The following NRXN3 variants were observed in gnomAD, a reference collection of about 807,000 sequenced individuals.
NRXN3 encodes the protein neurexin 3, also known as neurexin III.
NRXN3 carries 32 observed loss-of-function variants against 137.6 expected under a neutral mutation model. The observed-to-expected ratio is 0.23, with a 90% CI of 0.18 to 0.31. The LOEUF (loss-of-function observed/expected upper bound fraction) is 0.31. NRXN3 is among the 10% of genes least tolerant of loss of function. The probability of loss-of-function intolerance (pLI) is 1.00; values close to 1 mark genes in which losing one functional copy is unlikely to be tolerated. For synonymous variants in NRXN3, 798 were observed against 784.5 expected (o/e 1.02, Z -0.29); for missense variants, 1,574 against 2,062.5 (o/e 0.76, Z 4.59).
chr14:78,539,537 T>C (rs1468873541), intron 4 of NRXN3, among the ~76,000 whole-genome samples: 1 of 152,182 alleles, frequency 6.6e-6, no homozygotes, highest in Non-Finnish European at 1.5e-5. Flanking sequence ...TCTATCAATT[T>C]TGTTGATCTT....
intron 15 of NRXN3, among the ~76,000 whole-genome samples, chr14:79,044,604 A>G (rs763361724): frequency 6.6e-6 from 1 of 152,136 alleles, no homozygotes; most frequent in Non-Finnish European, 1.5e-5. Context: ...TACTTTTGAA[A>G]ACATAGTTGA....
chr14:79,149,230 GTCAGA>G (rs2059577641), intron 15 of NRXN3, among the ~76,000 whole-genome samples: 1 of 151,968 alleles, frequency 6.6e-6, no homozygotes, highest in Non-Finnish European at 1.5e-5. Flanking sequence ...AAGTCCAAAG[GTCAGA>G]TCTTCACGTT....
At chr14:78,943,621 A>AAATATATATAT (rs1567777841) in intron 10 of NRXN3, among the ~76,000 whole-genome samples, 1 of 27,882 alleles carries the variant, frequency 3.6e-5, no homozygotes, top group African/African-American at 1.6e-4. Context: ...AAAAAAAAAA[A>AAATATATATAT]ATATATATAT....
chr14:78,698,314 C>A (rs981917858), intron 6 of NRXN3: 2 of 152,058 alleles, frequency 1.3e-5, no homozygotes, highest in African/African-American at 4.8e-5. Flanking sequence ...AATGCTTTTA[C>A]AGTATTTTCT....
chr14:79,133,215 G>C (rs1034227941), intron 15 of NRXN3, among the ~76,000 whole-genome samples: 1 of 152,194 alleles, frequency 6.6e-6, no homozygotes, highest in African/African-American at 2.4e-5. Context: ...AGATGCATTG[G>C]CTAATACCTG....
chr14:79,544,172 G>C (rs991868193), intron 16 of NRXN3, among the ~76,000 whole-genome samples: 3 of 152,220 alleles, frequency 2.0e-5, no homozygotes, highest in Non-Finnish European at 2.9e-5. Context: ...ACACAGCTGA[G>C]CTTTCGATTC....
At chr14:78,962,511 G>A (rs568301235) in intron 11 of NRXN3, among the ~76,000 whole-genome samples, 3 of 152,090 alleles carry the variant, frequency 2.0e-5, no homozygotes, top group Non-Finnish European at 4.4e-5. Flanking sequence ...GGAGATGAGT[G>A]AAAGGTTTCC....
intron 5 of NRXN3, 71 bp downstream of exon 5, chr14:78,645,492 G>A: frequency 7.4e-7 from 1 of 1,353,622 alleles, no homozygotes; most frequent in South Asian, 1.5e-5. Context: ...TGTGAAGCAG[G>A]TGATGGGTGT....
intron 16 of NRXN3, among the ~76,000 whole-genome samples, chr14:79,539,195 A>T (rs2097247803): frequency 6.7e-6 from 1 of 149,592 alleles, no homozygotes; most frequent in African/African-American, 2.5e-5. Flanking sequence ...CACCTGGCTA[A>T]TTTTTTTTTT....
intron 16 of NRXN3, among the ~76,000 whole-genome samples, chr14:79,507,300 A>G (rs1567326072): frequency 6.6e-6 from 1 of 152,216 alleles, no homozygotes. Flanking sequence ...TTTAAGTTTC[A>G]TATGATTTTT....
intron 4 of NRXN3, among the ~76,000 whole-genome samples, chr14:78,597,476 A>G (rs929646398): frequency 1.3e-5 from 2 of 152,074 alleles, no homozygotes; most frequent in African/African-American, 2.4e-5. Context: ...CCCATCTTGC[A>G]TCTTACAAAG....
In NRXN3 at chr14:78,966,263, G is replaced by C. The variant is rs2099417136; in HGVS notation, c.2634G>C (p.Lys878Asn). The C allele has an allele frequency of 6.2e-7, 1 of 1,614,058 alleles. No homozygotes were observed. The highest frequency in any genetic ancestry group is 1.1e-5 in the South Asian group (1 of 91,080). Residue 878 changes from lysine to asparagine, a missense_variant, in exon 12 of 21, where the codon AAG becomes AAC. Physicochemically the swap from Lys to Asn is moderately conservative, Grantham distance 94 (BLOSUM62 0). Transcript: ENST00000335750. ...IIADPVTFKT[K>N]SSYLSLATLQ... ...CTGACCCTGTCACCTTTAAGACCAA[G>C]AGCAGCTACCTGAGCCTTGCCACTC...
rs2099331312 is a variant in NRXN3, at chr14:79,834,506, T to G, written c.4094-26836T>G. Among the ~76,000 whole-genome samples the G allele has an allele frequency of 1.3e-5, 2 of 152,150 alleles. 1 individual carries two copies. The highest frequency in any genetic ancestry group is 2.9e-5 in the Non-Finnish European group (2 of 68,018). On this transcript the variant is annotated intron_variant, in intron 20 of 20. Transcript: ENST00000335750. ...GACGTCACAGCTAAAGACACAACATTTTACATGAAAATGTCAGTGTTGAAA... is the reference window on the plus strand; with the variant it reads ...GACGTCACAGCTAAAGACACAACATGTTACATGAAAATGTCAGTGTTGAAA...
chr14:79,682,780 A>G (rs2098677187), intron 17 of NRXN3, among the ~76,000 whole-genome samples: 2 of 152,112 alleles, frequency 1.3e-5, no homozygotes, highest in Non-Finnish European at 2.9e-5. Flanking sequence ...CTCAAATTAT[A>G]AGCTATAAAT....
At chr14:79,633,039 G>A (rs144352727) in intron 16 of NRXN3, among the ~76,000 whole-genome samples, 2,337 of 152,150 alleles carry the variant, frequency 0.015, 29 homozygotes, top group Middle Eastern at 0.034. Flanking sequence ...AACATTCAAG[G>A]GATTTGCTCA....
intron 4 of NRXN3, among the ~76,000 whole-genome samples, chr14:78,454,684 T>C (rs1431675894): frequency 6.6e-6 from 1 of 152,170 alleles, no homozygotes; most frequent in Admixed American, 6.5e-5. Context: ...TAAGGTGCTA[T>C]GGTGCATAGA....
intron 20 of NRXN3, among the ~76,000 whole-genome samples, chr14:79,822,529 G>T (rs1349785440): frequency 6.6e-6 from 1 of 151,870 alleles, no homozygotes. Context: ...TTTTTTCTCA[G>T]GCATTGAAAA....
chr14:78,944,673 T>C (rs1034180029), intron 10 of NRXN3, among the ~76,000 whole-genome samples: 4 of 152,068 alleles, frequency 2.6e-5, no homozygotes, highest in Non-Finnish European at 4.4e-5. Context: ...CCCCAGAAAC[T>C]AGGAAGGGAC....
chr14:79,286,988 A>C (rs1392768497), intron 15 of NRXN3, among the ~76,000 whole-genome samples: 1 of 152,188 alleles, frequency 6.6e-6, no homozygotes, highest in Admixed American at 6.5e-5. Context: ...GTACAGGTTA[A>C]ATATTTTATG....
Sources: gnomAD v4.1 joint callset for allele counts (sites outside exome capture counted in the v4.1 genomes callset) on GRCh38, gnomAD v4.1.1 for gene constraint, MANE v1.5 for transcripts, NCBI Gene and HGNC (gene_info 2026-07-23, HGNC 2026-07-21) for gene names.